The following MTMR3 variants were observed in gnomAD, a reference collection of about 807,000 sequenced individuals.
MTMR3 encodes myotubularin related protein 3.
A neutral mutation model predicts 132.4 loss-of-function variants in MTMR3; 32 were observed. The observed-to-expected ratio is 0.24, with a 90% confidence interval of 0.18 to 0.32. The LOEUF is 0.32. MTMR3 is among the 10% of genes least tolerant of loss of function. The pLI is 1.00. For synonymous variants in MTMR3, 556 were observed against 550.3 expected (o/e 1.01, Z -0.14); for missense variants, 1,216 against 1,489.6 (o/e 0.82, Z 3.02).
At chr22:30,013,765 G>GT (rs201357681) in intron 14 of MTMR3, 668 of 391,768 alleles carry the variant, frequency 1.7e-3, no homozygotes, top group African/African-American at 4.4e-3. Context: ...TTTAAACTTA[G>GT]TTTTTTTTTA....
chr22:30,007,201 G>A lies in MTMR3; in HGVS notation c.759G>A (p.Leu253=). 1.2e-6 allele frequency: 2 copies of A among 1,614,174 alleles called. No individual in the cohort carries two copies. The highest frequency in any genetic ancestry group is 1.7e-6 in the Non-Finnish European group (2 of 1,180,028). The change falls in exon 10 of 20, where the codon CTG becomes CTA. Residue 253 remains leucine, a synonymous_variant. Transcript: ENST00000401950. ...WGWRNADDEH[L]VQSVAKACAS... ...GGCGAAATGCAGATGATGAGCATCT[G>A]GTACAGTCAGTAGCCAAAGCTTGTG...
chr22:29,920,406 G>A, intron 1 of MTMR3, among the ~76,000 whole-genome samples: 1 of 152,116 alleles, frequency 6.6e-6, no homozygotes, highest in East Asian at 1.9e-4. Flanking sequence ...GCTGGAGTAT[G>A]TAAAACTAAG....
chr22:29,929,249 C>T (rs1166387800), intron 1 of MTMR3, among the ~76,000 whole-genome samples: 12 of 151,984 alleles, frequency 7.9e-5, no homozygotes, highest in Admixed American at 7.9e-4. Flanking sequence ...CCATTACACT[C>T]CAGCCTGGGT....
chr22:29,976,666 A>G (rs1376141752), intron 3 of MTMR3, among the ~76,000 whole-genome samples: 1 of 152,188 alleles, frequency 6.6e-6, no homozygotes, highest in African/African-American at 2.4e-5. Context: ...TTGCACTATT[A>G]GTATAGATGT....
At position 30,020,785 on chromosome 22, in the gene MTMR3, A is replaced by C. The variant is rs957769814; in HGVS notation, c.3126A>C (p.Val1042=). The stretch of plus-strand genomic sequence containing the variant: ...TTGAGTCAGGCCACCAGCAGGAAGT[A>C]GAAACTTTGAAGAAACAAGTCCAGG... ...RQIESGHQQE[V]ETLKKQVQEL... The change falls in exon 17 of 20, where the codon GTA becomes GTC. Residue 1042 remains valine, a synonymous_variant. Coordinates refer to ENST00000401950, the MANE Select transcript of MTMR3 (RefSeq NM_021090.4). The C allele has an allele frequency of 3.1e-6, 5 of 1,614,082 alleles. No homozygotes were observed. In the Admixed American group the frequency reaches 6.7e-5, roughly 22 times the overall value.
intron 1 of MTMR3, among the ~76,000 whole-genome samples, chr22:29,933,407 G>T (rs2065684725): frequency 6.6e-6 from 1 of 151,488 alleles, no homozygotes; most frequent in African/African-American, 2.4e-5. Flanking sequence ...CCAAGTTCTT[G>T]GATACACATC....
At position 30,022,649 on chromosome 22, in the gene MTMR3, ATG is replaced by A; in HGVS notation, c.3378_3379del (p.Ala1127ValfsTer27). ...CCTGACCACCTGGCCGCCCACTGCT[ATG>A]CGTGCGACAGTGCCTTCTGGCTTGC... On this transcript the variant is annotated frameshift_variant, in exon 19 of 20. Transcript: ENST00000401950. LOFTEE classifies it high-confidence loss of function. 2 of 1,612,474 alleles carry A rather than the reference ATG, an allele frequency of 1.2e-6. No homozygotes were observed. The highest frequency in any genetic ancestry group is 1.7e-6 in the Non-Finnish European group (2 of 1,179,994).
intron 6 of MTMR3, chr22:29,991,296 T>C (rs2066955946): frequency 2.4e-6 from 1 of 419,074 alleles, no homozygotes; most frequent in South Asian, 5.4e-5. Flanking sequence ...AATGGTCAGC[T>C]TCCTCCTTTT....
intron 1 of MTMR3, among the ~76,000 whole-genome samples, chr22:29,938,186 G>T (rs528744857): frequency 6.6e-6 from 1 of 151,528 alleles, no homozygotes; most frequent in South Asian, 2.1e-4. Flanking sequence ...GTGTAGAAAT[G>T]GGTGGCACTA....
chr22:29,895,954 C>T (rs1333720161), intron 1 of MTMR3, among the ~76,000 whole-genome samples: 1 of 152,202 alleles, frequency 6.6e-6, no homozygotes, highest in African/African-American at 2.4e-5. Context: ...GAGAAGACAA[C>T]ATTTCAAATC....
intron 1 of MTMR3, among the ~76,000 whole-genome samples, chr22:29,936,021 G>C (rs963619632): frequency 2.0e-5 from 3 of 151,972 alleles, no homozygotes; most frequent in African/African-American, 7.3e-5. Context: ...CAAAGTGCTG[G>C]GTTTACAGGC....
In MTMR3 at chr22:29,912,807, T is replaced by C. The variant is rs544326643; in HGVS notation, c.-138+29448T>C. Among the ~76,000 whole-genome samples, 5 of 152,328 alleles carry C rather than the reference T, an allele frequency of 3.3e-5. No individual in the cohort carries two copies. The South Asian group carries it at 1.0e-3, about 32-fold the overall frequency. The stretch of plus-strand genomic sequence containing the variant: ...AATAAACTTGACCATTGGCCAAGAT[T>C]GTGGTAAGCTAAGTATTTGAGATGT... On this transcript the variant is annotated intron_variant, in intron 1 of 19. Transcript: ENST00000401950.
intron 1 of MTMR3, among the ~76,000 whole-genome samples, chr22:29,894,149 ACTG>A (rs960636573): frequency 6.6e-6 from 1 of 151,996 alleles, no homozygotes; most frequent in African/African-American, 2.4e-5. Context: ...TCAGCCAAAA[ACTG>A]CTATTTTAAA....
chr22:29,916,691 C>A (rs988252356), intron 1 of MTMR3, among the ~76,000 whole-genome samples: 1 of 152,152 alleles, frequency 6.6e-6, no homozygotes, highest in South Asian at 2.1e-4. Flanking sequence ...TTTATAAATA[C>A]AAGGTTTGCA....
At chr22:29,959,443 A>G (rs1240323471) in intron 2 of MTMR3, among the ~76,000 whole-genome samples, 1 of 152,032 alleles carries the variant, frequency 6.6e-6, no homozygotes, top group Non-Finnish European at 1.5e-5. Context: ...TGGTGGCGCG[A>G]CCTCAGCTCA....
chr22:29,928,818 A>G (rs1267469364), intron 1 of MTMR3, among the ~76,000 whole-genome samples: 1 of 152,128 alleles, frequency 6.6e-6, no homozygotes, highest in Non-Finnish European at 1.5e-5. Flanking sequence ...CCTGGCTCAA[A>G]GTTTTTAAAA....
At chr22:29,896,986 A>G (rs915288574) in intron 1 of MTMR3, among the ~76,000 whole-genome samples, 2 of 151,936 alleles carry the variant, frequency 1.3e-5, no homozygotes, top group African/African-American at 4.8e-5. Flanking sequence ...TTTTAAAGTA[A>G]AATTTAAATA....
intron 1 of MTMR3, among the ~76,000 whole-genome samples, chr22:29,939,041 C>T (rs2065805375): frequency 6.6e-6 from 1 of 151,906 alleles, no homozygotes; most frequent in African/African-American, 2.4e-5. Context: ...AGGCTGGTCT[C>T]GAACTCCTGA....
In MTMR3 at chr22:29,978,854, C is replaced by T. The variant is rs554283432; in HGVS notation, c.94-82C>T. On this transcript the variant is annotated intron_variant, in intron 4 of 19. Transcript: ENST00000401950. ...TTCAACTTCAGTGGCAGAGGATTTACCATCCATTCAGCCAACTGATGTTTG... is the reference window on the plus strand; with the variant it reads ...TTCAACTTCAGTGGCAGAGGATTTATCATCCATTCAGCCAACTGATGTTTG... 125 of 996,856 alleles carry T rather than the reference C, an allele frequency of 1.3e-4. No homozygotes were observed. The Admixed American group carries it at 1.5e-3, about 12-fold the overall frequency. The allele number at this position is 996,856 out of a possible 1,614,324, so 61.8% of individuals were successfully genotyped here. A position where few individuals can be genotyped will look rare whatever the true frequency, so the allele number is the denominator to read the frequency against.
Sources: gnomAD v4.1 joint callset for allele counts (sites outside exome capture counted in the v4.1 genomes callset) on GRCh38, gnomAD v4.1.1 for gene constraint, MANE v1.5 for transcripts, NCBI Gene and HGNC (gene_info 2026-07-23, HGNC 2026-07-21) for gene names.